Variants in TULP4 observed in about 807,000 individuals in gnomAD.
The protein encoded by TULP4 is tubby-related protein 4.
Under a neutral mutation model 129.0 loss-of-function variants are expected in TULP4, and 16 were observed. That is an observed-to-expected ratio of 0.12 (90% CI 0.08 to 0.19). TULP4 has a LOEUF of 0.19. Among genes scored for constraint, TULP4 ranks in the 10% least tolerant of loss-of-function variants. TULP4 has a pLI of 1.00. For missense variants in TULP4, 1,842 were observed against 2,059.1 expected (o/e 0.89, Z 2.04); for synonymous variants, 998 against 854.0 (o/e 1.17, Z -2.94).
At chr6:158,272,220 A>C (rs1778564807) in intron 1 of TULP4, among the ~76,000 whole-genome samples, 1 of 152,122 alleles carries the variant, frequency 6.6e-6, no homozygotes, top group South Asian at 2.1e-4. Context: ...AAGCATAAAG[A>C]GGTGGAATTT....
At chr6:158,460,548 C>A (rs112081940) in intron 5 of TULP4, among the ~76,000 whole-genome samples, 2,136 of 152,164 alleles carry the variant, frequency 0.014, 56 homozygotes, top group African/African-American at 0.049. Flanking sequence ...TAAGATAAAC[C>A]TTTTAATAAC....
chr6:158,414,793 G>A (rs1477889316), intron 2 of TULP4, among the ~76,000 whole-genome samples: 1 of 152,340 alleles, frequency 6.6e-6, no homozygotes, highest in East Asian at 1.9e-4. Flanking sequence ...AAATGGAAGG[G>A]GAGCAAGGAT....
intron 1 of TULP4, among the ~76,000 whole-genome samples, chr6:158,236,957 C>T (rs865822986): frequency 5.3e-5 from 8 of 151,566 alleles, no homozygotes; most frequent in Non-Finnish European, 7.4e-5. Context: ...ACTACAGGTG[C>T]GTGCCACCAC....
rs773306388 is a variant in TULP4, at chr6:158,503,344, T to G, written c.3681T>G (p.Leu1227=). 4.3e-6 allele frequency: 7 copies of G among 1,613,638 alleles called. No individual in the cohort carries two copies. The highest frequency in any genetic ancestry group is 5.9e-6 in the Non-Finnish European group (7 of 1,179,932). The change falls in exon 13 of 14, where the codon CTT becomes CTG. Residue 1227 remains leucine (L), a synonymous_variant. Coordinates refer to ENST00000367097, the MANE Select transcript of TULP4 (RefSeq NM_020245.5). The surrounding 1 kb of genome is among the most constrained non-coding windows in gnomAD (Gnocchi z 4.3). The part of the protein sequence containing the change: ...QFAQQEPAVV[L]QPLYPPSLSY... Reference sequence around the variant, plus strand: ...CACAACAGGAGCCTGCTGTGGTCCTTCAGCCGCTGTACCCACCCAGCCTCT... The same window carrying G: ...CACAACAGGAGCCTGCTGTGGTCCTGCAGCCGCTGTACCCACCCAGCCTCT...
At chr6:158,309,451 C>T (rs866877875), upstream of TULP4, among the ~76,000 whole-genome samples, 243 of 131,348 alleles carry the variant, frequency 1.9e-3, no homozygotes, top group South Asian at 0.016. Context: ...AGACGATGGG[C>T]GGCCAGGCAG....
At chr6:158,286,078 A>C (rs1301027664) in intron 1 of TULP4, among the ~76,000 whole-genome samples, 1 of 152,256 alleles carries the variant, frequency 6.6e-6, no homozygotes, top group Non-Finnish European at 1.5e-5. Context: ...AACAATATAT[A>C]GGTATTCATG....
intron 1 of TULP4, among the ~76,000 whole-genome samples, chr6:158,354,978 G>A (rs1267762435): frequency 6.6e-6 from 1 of 152,094 alleles, no homozygotes; most frequent in Non-Finnish European, 1.5e-5. Context: ...TAATAGTTGG[G>A]TACAGTTGTG....
intron 3 of TULP4, among the ~76,000 whole-genome samples, chr6:158,442,873 G>A (rs1461892463): frequency 6.6e-6 from 1 of 151,504 alleles, no homozygotes; most frequent in Non-Finnish European, 1.5e-5. Context: ...GAGTGCAATG[G>A]CGCTATCTCT....
Position 158,506,700 on chromosome 6 carries a change from C to T in TULP4, c.*6C>T. On this transcript the variant is annotated 3_prime_UTR_variant, in exon 14 of 14. Coordinates refer to ENST00000367097, the MANE Select transcript of TULP4 (RefSeq NM_020245.5). ...TGACTCAGCGCCTCAAATGAAGAGA[C>T]TGGTGTGGGGAGGAGAGAGATGCAG... The T allele has an allele frequency of 6.3e-7, 1 of 1,581,860 alleles. No individual in the cohort carries two copies. The highest frequency in any genetic ancestry group is 8.7e-7 in the Non-Finnish European group (1 of 1,150,930).
intron 1 of TULP4, among the ~76,000 whole-genome samples, chr6:158,306,932 AT>A (rs1779225667): frequency 2.0e-5 from 3 of 151,938 alleles, no homozygotes; most frequent in Non-Finnish European, 4.4e-5. Flanking sequence ...AGGTGGGAGG[AT>A]TTTTTTGAGC....
chr6:158,374,649 G>C (rs968943882), intron 1 of TULP4, among the ~76,000 whole-genome samples: 1 of 152,172 alleles, frequency 6.6e-6, no homozygotes, highest in African/African-American at 2.4e-5. Context: ...CTGTTTATAA[G>C]AGCAGTATCC....
intron 1 of TULP4, among the ~76,000 whole-genome samples, chr6:158,410,200 C>T (rs999817984): frequency 5.3e-5 from 8 of 152,160 alleles, no homozygotes; most frequent in Admixed American, 2.6e-4. Context: ...GTGAACATTT[C>T]GTTTATCCAA....
At chr6:158,237,270 A>T in intron 1 of TULP4, 1 of 1,140,560 alleles carries the variant, frequency 8.8e-7, no homozygotes, top group Non-Finnish European at 1.3e-6. Context: ...TTGCTGTATT[A>T]CCTTTATTAT....
At chr6:158,418,176 G>A (rs976275117) in intron 2 of TULP4, among the ~76,000 whole-genome samples, 27 of 149,692 alleles carry the variant, frequency 1.8e-4, no homozygotes, top group Non-Finnish European at 2.4e-4. Context: ...GCGCATCTTC[G>A]GCTCACTGCA....
At chr6:158,265,792 AC>A (rs1321050109) in intron 1 of TULP4, among the ~76,000 whole-genome samples, 2 of 152,112 alleles carry the variant, frequency 1.3e-5, no homozygotes, top group African/African-American at 4.8e-5. Flanking sequence ...CTTAAATCTT[AC>A]CTGTGTGCCC....
intron 3 of TULP4, among the ~76,000 whole-genome samples, chr6:158,445,707 C>G (rs1252962049): frequency 6.6e-6 from 1 of 152,188 alleles, no homozygotes; most frequent in Admixed American, 6.5e-5. Context: ...AAGCACAAGC[C>G]TCAGTCCTTG....
intron 12 of TULP4, among the ~76,000 whole-genome samples, chr6:158,501,433 C>CA (rs1317418964): frequency 6.6e-6 from 1 of 152,164 alleles, no homozygotes; most frequent in East Asian, 1.9e-4. Flanking sequence ...TTAGAAGGTT[C>CA]AAAAGTGAGT....
intron 1 of TULP4, among the ~76,000 whole-genome samples, chr6:158,329,200 A>G (rs1017272856): frequency 9.9e-5 from 15 of 152,110 alleles, no homozygotes; most frequent in African/African-American, 3.1e-4. Context: ...TGTTTTAGGG[A>G]ATTCTTACTG....
At chr6:158,233,156 G>C (rs1217779172) in intron 1 of TULP4, among the ~76,000 whole-genome samples, 1 of 152,178 alleles carries the variant, frequency 6.6e-6, no homozygotes, top group Non-Finnish European at 1.5e-5. Flanking sequence ...AGCCCTCTCC[G>C]AGGTTGAGGT....
Sources: gnomAD v4.1 joint callset for allele counts (sites outside exome capture counted in the v4.1 genomes callset) on GRCh38, gnomAD v4.1.1 for gene constraint, Gnocchi (gnomAD v3.1) non-coding constraint, MANE v1.5 for transcripts, NCBI Gene and HGNC (gene_info 2026-07-23, HGNC 2026-07-21) for gene names.